Variants in PRKAR1B observed in about 807,000 individuals in gnomAD.
PRKAR1B encodes the protein protein kinase cAMP-dependent type I regulatory subunit beta, also known as cAMP-dependent protein kinase type I-beta regulatory subunit.
In PRKAR1B, 22 loss-of-function variants were observed where a neutral mutation model predicts 46.5. The ratio of observed to expected loss-of-function variants is 0.47; its 90% CI spans 0.34 to 0.68. The LOEUF (loss-of-function observed/expected upper bound fraction) is 0.68, where lower values mean the gene tolerates loss of function less well. Ranked by LOEUF, PRKAR1B falls within the 30% of genes least tolerant of loss-of-function variation. PRKAR1B has a pLI of 0.01. For missense variants in PRKAR1B, 445 were observed against 535.6 expected (o/e 0.83, Z 1.67); for synonymous variants, 259 against 217.7 (o/e 1.19, Z -1.67).
chr7:585,074 C>A (rs1025902154), intron 7 of PRKAR1B, among the ~76,000 whole-genome samples: 1 of 152,210 alleles, frequency 6.6e-6, no homozygotes, highest in African/African-American at 2.4e-5. Flanking sequence ...TTCCCTCAAC[C>A]CTGGGAAAAG....
chr7:688,505 G>A (rs1395238396), intron 2 of PRKAR1B, among the ~76,000 whole-genome samples: 1 of 151,926 alleles, frequency 6.6e-6, no homozygotes, highest in Non-Finnish European at 1.5e-5. Context: ...ATGTCAGCCA[G>A]CAAGGCCCTG....
chr7:584,850 G>T (rs551695971), intron 7 of PRKAR1B, among the ~76,000 whole-genome samples: 1 of 152,268 alleles, frequency 6.6e-6, no homozygotes, highest in Admixed American at 6.5e-5. Flanking sequence ...ACCCGTGGTA[G>T]TTCCACACGG....
intron 4 of PRKAR1B, among the ~76,000 whole-genome samples, chr7:670,639 C>T (rs1427250787): frequency 6.7e-6 from 1 of 150,106 alleles, no homozygotes; most frequent in Non-Finnish European, 1.5e-5. Context: ...GGCCTCCGAG[C>T]TCCCCCACGC....
At chr7:561,052 A>C (rs111949525) in intron 9 of PRKAR1B, among the ~76,000 whole-genome samples, 14 of 152,214 alleles carry the variant, frequency 9.2e-5, no homozygotes, top group African/African-American at 3.4e-4. Flanking sequence ...ACACAGATGC[A>C]TATTTGTGCA....
intron 2 of PRKAR1B, chr7:691,765 C>T (rs988198835): frequency 8.3e-7 from 1 of 1,202,064 alleles, no homozygotes; most frequent in Non-Finnish European, 1.1e-6. Context: ...GACCACAGGG[C>T]TCTACAAACA....
chr7:663,904 T>A (rs1159103376), intron 4 of PRKAR1B, among the ~76,000 whole-genome samples: 4 of 152,092 alleles, frequency 2.6e-5, no homozygotes, highest in African/African-American at 9.7e-5. Context: ...CAGGTGGGCG[T>A]GCAGGGCCTG....
upstream of PRKAR1B, chr7:727,384 C>T: frequency 1.1e-6 from 1 of 899,902 alleles, no homozygotes; most frequent in Non-Finnish European, 1.4e-6. Flanking sequence ...CTCCGCGGCC[C>T]CTCTCACAAC....
chr7:561,125 GCACACAAACACACACACACACA>G (rs1778763526), intron 9 of PRKAR1B, among the ~76,000 whole-genome samples: 1 of 147,516 alleles, frequency 6.8e-6, no homozygotes. Context: ...CCACACACAG[GCACACAAACACACACACACACA>G]CACCTGTGCA....
At position 680,615 on chromosome 7, in the gene PRKAR1B, G is replaced by A. The variant is rs1397568926; in HGVS notation, c.289C>T (p.Arg97Ter). Reference sequence around the variant, plus strand: ...TACACCTCGGCACTCACGCCTCCTCGCCGGCGGCGGGCCTTCACCACAGGG... The same window carrying A: ...TACACCTCGGCACTCACGCCTCCTCACCGGCGGCGGGCCTTCACCACAGGG... Reference protein sequence around the residue: ...PNPVVKARRRRGGVSAEVYTE... With the variant: ...PNPVVKARRR The change falls in exon 3 of 11, where the codon CGA (arginine) becomes TGA (stop). Residue 97 changes from arginine to a stop codon, truncating the protein, a stop_gained. Coordinates refer to ENST00000537384, the MANE Select transcript of PRKAR1B (RefSeq NM_001164760.2). LOFTEE classifies it high-confidence loss of function. 3 of 1,612,890 alleles carry A rather than the reference G, an allele frequency of 1.9e-6. No individual in the cohort carries two copies. The highest frequency in any genetic ancestry group is 2.2e-5 in the South Asian group (2 of 91,054).
Position 705,185 on chromosome 7 carries a change from G to A in PRKAR1B, c.177+6144C>T, listed in dbSNP as rs956747491. Among the ~76,000 whole-genome samples, 10 of 151,746 alleles carry A rather than the reference G, an allele frequency of 6.6e-5. 1 individual carries two copies. The highest frequency in any genetic ancestry group is 3.3e-4 in the Admixed American group (5 of 15,222). ...CACATGCCTGTAATCCTAGCTATCC[G>A]GGAGGCTGAGGCAGGAAAATCGCTT... On this transcript the variant is annotated intron_variant, in intron 2 of 10. Coordinates refer to ENST00000537384, the MANE Select transcript of PRKAR1B (RefSeq NM_001164760.2).
intron 4 of PRKAR1B, among the ~76,000 whole-genome samples, chr7:660,575 T>C (rs1463333111): frequency 2.8e-5 from 2 of 71,866 alleles, no homozygotes; most frequent in Non-Finnish European, 5.0e-5. Context: ...CTCCCCCCCA[T>C]GGCACAGGTC....
chr7:591,389 C>T (rs1219925400), intron 7 of PRKAR1B, among the ~76,000 whole-genome samples: 1 of 152,238 alleles, frequency 6.6e-6, no homozygotes, highest in Non-Finnish European at 1.5e-5. Flanking sequence ...TACAGGGCTT[C>T]CTCAAGCCCA....
intron 3 of PRKAR1B, among the ~76,000 whole-genome samples, chr7:678,953 T>C (rs1284122007): frequency 2.6e-5 from 4 of 152,108 alleles, no homozygotes; most frequent in African/African-American, 7.2e-5. Flanking sequence ...CCAGGCATGA[T>C]GACAGGCACC....
rs8382 is a variant in PRKAR1B at position 550,149 on chromosome 7, G to T, written c.*281C>A. On this transcript the variant is annotated 3_prime_UTR_variant, in exon 11 of 11. Transcript: ENST00000537384. ...GGCAGGGGTGGGGTGGGCCCCCCAG[G>T]AGAAGCCCACAGAGGCAGCCGGGGA... The T allele has an allele frequency of 2.3e-6, 1 of 427,960 alleles. No individual in the cohort carries two copies. Among genetic ancestry groups the T allele is most frequent in the African/African-American group, 2.1e-5 (1 of 48,618 alleles). The allele number at this position is 427,960 out of a possible 1,614,324, so 26.5% of individuals were successfully genotyped here.
At chr7:627,737 C>T (rs528626751) in intron 4 of PRKAR1B, among the ~76,000 whole-genome samples, 114 of 151,936 alleles carry the variant, frequency 7.5e-4, no homozygotes, top group African/African-American at 2.6e-3. Context: ...CACGCCCGCC[C>T]TCCCCGGGCA....
At chr7:585,488 C>CA (rs1780545266) in intron 7 of PRKAR1B, among the ~76,000 whole-genome samples, 1 of 152,222 alleles carries the variant, frequency 6.6e-6, no homozygotes, top group South Asian at 2.1e-4. Context: ...CATCCACTGA[C>CA]AGAGGCCACG....
Position 550,543 on chromosome 7 carries a change from G to T in PRKAR1B, c.1033C>A (p.Leu345Ile). ...GGCCGGTCCAGCTTCACACACTTGA[G>T]GGGCCCCCGGGCCACGACAGTGGCC... ...RAATVVARGP[L>I]KCVKLDRPRF... is the part of the protein sequence containing the mutation. The change falls in exon 11 of 11, where the codon CTC (leucine) becomes ATC (isoleucine). Residue 345 changes from leucine to isoleucine, a missense_variant. Around this residue, in one of 5 missense-constraint regions of PRKAR1B, gnomAD observed 127 missense variants for 138.0 expected, o/e 0.92. Transcript: ENST00000537384. The T allele has an allele frequency of 6.2e-7, 1 of 1,605,178 alleles. No homozygotes were observed. The highest frequency in any genetic ancestry group is 8.5e-7 in the Non-Finnish European group (1 of 1,176,456).
At chr7:707,028 G>T (rs940170885) in intron 2 of PRKAR1B, among the ~76,000 whole-genome samples, 10 of 152,324 alleles carry the variant, frequency 6.6e-5, no homozygotes, top group African/African-American at 2.4e-4. Flanking sequence ...ACACTTCCCG[G>T]TTCTATTGTA....
intron 4 of PRKAR1B, among the ~76,000 whole-genome samples, chr7:619,935 C>T (rs1226799782): frequency 6.6e-6 from 1 of 152,036 alleles, no homozygotes; most frequent in Non-Finnish European, 1.5e-5. Flanking sequence ...ACTGTAGCCT[C>T]GAACTCCTGG....
Sources: allele counts gnomAD v4.1 joint callset (sites outside exome capture counted in the v4.1 genomes callset), GRCh38; gene constraint gnomAD v4.1.1; regional missense constraint gnomAD v4.1.1; transcripts MANE v1.5; gene names NCBI Gene and HGNC (gene_info 2026-07-23, HGNC 2026-07-21).